NEO1: variants seen among roughly 807,000 people sequenced by gnomAD.
NEO1 encodes the protein neogenin 1, also known as neogenin.
In NEO1, 63 loss-of-function variants were observed where a neutral mutation model predicts 159.7. The observed-to-expected ratio is 0.39, with a 90% CI of 0.32 to 0.49. The LOEUF is 0.49. Ranked by LOEUF, NEO1 falls within the 20% of genes least tolerant of loss-of-function variation. NEO1 has a pLI of 0.85. For missense variants in NEO1, 1,615 were observed against 1,831.0 expected, an observed-to-expected ratio of 0.88 and a Z score of 2.15; for synonymous variants, 633 against 662.0, an observed-to-expected ratio of 0.96 and a Z score of 0.67.
chr15:73,230,145 A>G (rs958610642), intron 7 of NEO1, among the ~76,000 whole-genome samples: 3 of 152,208 alleles, frequency 2.0e-5, no homozygotes, highest in Admixed American at 6.5e-5. Flanking sequence ...CAAATATTTG[A>G]TAACATCCAG....
At chr15:73,097,010 A>G (rs116179896) in intron 1 of NEO1, among the ~76,000 whole-genome samples, 13,191 of 152,184 alleles carry the variant, frequency 0.087, 666 homozygotes, top group South Asian at 0.11. Context: ...CTGTGGTCCC[A>G]GCTACTCAGG....
At chr15:73,159,766 G>A (rs2034037917) in intron 5 of NEO1, among the ~76,000 whole-genome samples, 1 of 152,110 alleles carries the variant, frequency 6.6e-6, no homozygotes, top group Non-Finnish European at 1.5e-5. Flanking sequence ...AAATGTGTGA[G>A]TGTTTCTGAT....
intron 7 of NEO1, among the ~76,000 whole-genome samples, chr15:73,228,027 A>G (rs1210659436): frequency 6.6e-6 from 1 of 152,246 alleles, no homozygotes; most frequent in Admixed American, 6.5e-5. Flanking sequence ...AAACTATTAA[A>G]CATCCTTTTT....
intron 1 of NEO1, among the ~76,000 whole-genome samples, chr15:73,054,870 C>G (rs2067625874): frequency 6.6e-6 from 1 of 152,106 alleles, no homozygotes; most frequent in African/African-American, 2.4e-5. Flanking sequence ...ATCAGATGTC[C>G]TTTGTCAGTA....
At chr15:73,053,912 C>G (rs186281744) in intron 1 of NEO1, among the ~76,000 whole-genome samples, 1 of 152,330 alleles carries the variant, frequency 6.6e-6, no homozygotes, top group Admixed American at 6.5e-5. Context: ...AATCACACTG[C>G]AAGGTAACTT....
chr15:73,075,648 A>G (rs2068735226), intron 1 of NEO1, among the ~76,000 whole-genome samples: 1 of 105,524 alleles, frequency 9.5e-6, no homozygotes, highest in Non-Finnish European at 2.2e-5. Flanking sequence ...AACACTGGCC[A>G]TGTGAAGATT....
At chr15:73,130,320 G>T (rs1489609557) in intron 4 of NEO1, among the ~76,000 whole-genome samples, 1 of 127,880 alleles carries the variant, frequency 7.8e-6, no homozygotes, top group Non-Finnish European at 1.8e-5. Flanking sequence ...CCCCCCCGCC[G>T]CATAAGACCC....
chr15:73,147,213 G>C (rs958453261), intron 5 of NEO1, among the ~76,000 whole-genome samples: 1 of 152,166 alleles, frequency 6.6e-6, no homozygotes, highest in Non-Finnish European at 1.5e-5. Flanking sequence ...GTACATTATA[G>C]GCATTCAGTA....
At chr15:73,268,006 T>C (rs1239873402) in intron 16 of NEO1, among the ~76,000 whole-genome samples, 1 of 152,086 alleles carries the variant, frequency 6.6e-6, no homozygotes, top group African/African-American at 2.4e-5. Flanking sequence ...GAAGGAAGAG[T>C]ACATCCTTGA....
chr15:73,154,209 TA>T (rs568583632), intron 5 of NEO1, among the ~76,000 whole-genome samples: 1,706 of 145,732 alleles, frequency 0.012, 25 homozygotes, highest in African/African-American at 0.035. Flanking sequence ...TAGTATTCTT[TA>T]AAAAAAAAAA....
intron 5 of NEO1, among the ~76,000 whole-genome samples, chr15:73,152,108 A>T (rs1443908575): frequency 6.6e-6 from 1 of 152,240 alleles, no homozygotes; most frequent in African/African-American, 2.4e-5. Flanking sequence ...GTTATGAAAT[A>T]TGTATACATA....
At chr15:73,186,989 TG>T (rs2035968718) in intron 7 of NEO1, among the ~76,000 whole-genome samples, 1 of 152,192 alleles carries the variant, frequency 6.6e-6, no homozygotes, top group South Asian at 2.1e-4. Context: ...CAGAAATAGT[TG>T]ATAACATGAA....
At chr15:73,067,051 A>T (rs2068257532) in intron 1 of NEO1, among the ~76,000 whole-genome samples, 1 of 152,164 alleles carries the variant, frequency 6.6e-6, no homozygotes, top group Admixed American at 6.5e-5. Flanking sequence ...GAATTCTCTC[A>T]ATGCCTCTTT....
intron 1 of NEO1, among the ~76,000 whole-genome samples, chr15:73,063,830 G>A (rs912941860): frequency 2.0e-5 from 3 of 152,156 alleles, no homozygotes; most frequent in Non-Finnish European, 2.9e-5. Flanking sequence ...ATCTGTCATG[G>A]TAGGAAGGAG....
intron 1 of NEO1, among the ~76,000 whole-genome samples, chr15:73,068,879 TG>T (rs1300196020): frequency 1.3e-5 from 2 of 152,056 alleles, no homozygotes; most frequent in African/African-American, 4.8e-5. Context: ...ACATTTAGAT[TG>T]AAATTCTGCA....
chr15:73,100,189 G>A (rs970040918), intron 1 of NEO1, among the ~76,000 whole-genome samples: 8 of 152,036 alleles, frequency 5.3e-5, no homozygotes, highest in South Asian at 2.1e-4. Context: ...ACTCAGGAGC[G>A]CTAAAATATT....
In NEO1 at chr15:73,052,671, A is replaced by T; in HGVS notation, c.-5A>T. ...CCGCCGCTGCCGCTCACTCTCGGGG[A>T]AGAGATGGCGGCGGAGCGGGGAGCC... On this transcript the variant is annotated 5_prime_UTR_variant, in exon 1 of 29. Coordinates refer to ENST00000261908, the MANE Select transcript of NEO1 (RefSeq NM_002499.4). The T allele has an allele frequency of 7.5e-7, 1 of 1,336,542 alleles. No homozygotes were observed. The highest frequency in any genetic ancestry group is 9.7e-7 in the Non-Finnish European group (1 of 1,036,082). The allele number at this position is 1,336,542 out of a possible 1,614,324, so 82.8% of individuals were successfully genotyped here. A position where few individuals can be genotyped will look rare whatever the true frequency, so the allele number is the denominator to read the frequency against.
At chr15:73,195,847 C>T (rs1213838889) in intron 7 of NEO1, among the ~76,000 whole-genome samples, 1 of 152,120 alleles carries the variant, frequency 6.6e-6, no homozygotes, top group Non-Finnish European at 1.5e-5. Context: ...TGTTAAAAAT[C>T]TCAATTAGGG....
intron 8 of NEO1, among the ~76,000 whole-genome samples, chr15:73,238,990 A>G (rs762172883): frequency 2.6e-5 from 4 of 152,050 alleles, no homozygotes; most frequent in Non-Finnish European, 4.4e-5. Flanking sequence ...CTGGAATTAC[A>G]GGTGCCTGCC....
Sources: allele counts gnomAD v4.1 joint callset (sites outside exome capture counted in the v4.1 genomes callset), GRCh38; gene constraint gnomAD v4.1.1; transcripts MANE v1.5; gene names NCBI Gene and HGNC (gene_info 2026-07-23, HGNC 2026-07-21).